Variants in WNK2 observed in about 807,000 individuals in gnomAD.
WNK2 encodes serine/threonine-protein kinase WNK2.
In WNK2, 67 loss-of-function variants were observed where a neutral mutation model predicts 192.1. The observed-to-expected ratio is 0.35, with a 90% CI of 0.29 to 0.43. The LOEUF (loss-of-function observed/expected upper bound fraction) is 0.43. Among genes scored for constraint, WNK2 ranks in the 20% least tolerant of loss-of-function variants. The pLI, the probability that WNK2 is intolerant of heterozygous loss-of-function variation, is 1.00. For synonymous variants in WNK2, 1,439 were observed against 1,393.9 expected, an observed-to-expected ratio of 1.03 and a Z score of -0.72; for missense variants, 2,698 against 3,089.7, an observed-to-expected ratio of 0.87 and a Z score of 3.01.
intron 2 of WNK2, among the ~76,000 whole-genome samples, chr9:93,211,563 C>T (rs995991716): frequency 3.5e-4 from 52 of 150,006 alleles, no homozygotes; most frequent in African/African-American, 1.2e-3. Context: ...CTCACTCATC[C>T]ACTCACACAT....
Position 93,292,322 on chromosome 9 carries a change from A to T in WNK2, c.4951A>T (p.Arg1651Trp). Residue 1651 changes from arginine (R) to tryptophan (W), a missense_variant, in exon 22 of 30, where the codon AGG becomes TGG. Physicochemically the swap from Arg to Trp is moderately radical, Grantham distance 101. Transcript: ENST00000427277. ...TGTTCCCATAGCAGAGTCGTCTCCCAGGAGTATGCTAGGCTATGACAGAGA... is the reference window on the plus strand; with the variant it reads ...TGTTCCCATAGCAGAGTCGTCTCCCTGGAGTATGCTAGGCTATGACAGAGA... ...SSSMTAESSPRSMLGYDRDGR... is the reference protein window; with the variant it reads ...SSSMTAESSPWSMLGYDRDGR... The T allele has an allele frequency of 6.2e-7, 1 of 1,613,938 alleles. No individual in the cohort carries two copies. The highest frequency in any genetic ancestry group is 8.5e-7 in the Non-Finnish European group (1 of 1,179,892).
At chr9:93,251,545 A>G (rs968825552) in intron 8 of WNK2, among the ~76,000 whole-genome samples, 38 of 152,300 alleles carry the variant, frequency 2.5e-4, no homozygotes, top group African/African-American at 9.1e-4. Context: ...CCTCATCTCT[A>G]CAAAAGATAG....
intron 23 of WNK2, among the ~76,000 whole-genome samples, chr9:93,295,159 C>T (rs1294429734): frequency 2.0e-5 from 3 of 152,174 alleles, no homozygotes; most frequent in Admixed American, 2.0e-4. Context: ...TTGGAGTGGT[C>T]CAGGGCACCC....
chr9:93,191,997 C>A (rs1418572233), intron 2 of WNK2, among the ~76,000 whole-genome samples: 1 of 151,326 alleles, frequency 6.6e-6, no homozygotes. Flanking sequence ...TGCACTCCAA[C>A]CTGGCGACAG....
intron 2 of WNK2, among the ~76,000 whole-genome samples, chr9:93,193,941 G>A (rs1375026112): frequency 6.6e-6 from 1 of 152,178 alleles, no homozygotes; most frequent in Non-Finnish European, 1.5e-5. Flanking sequence ...AGCAAGCCCG[G>A]AAATAGACCC....
At chr9:93,274,494 A>G (rs955055600) in intron 19 of WNK2, among the ~76,000 whole-genome samples, 9 of 146,668 alleles carry the variant, frequency 6.1e-5, no homozygotes, top group Non-Finnish European at 4.4e-5. Context: ...CCCGGGCAAC[A>G]GTGCAAGGCT....
At chr9:93,310,448 AAT>A (rs886318507) in intron 28 of WNK2, among the ~76,000 whole-genome samples, 13 of 150,858 alleles carry the variant, frequency 8.6e-5, no homozygotes, top group Admixed American at 2.0e-4. Flanking sequence ...ATGGCAAAAA[AAT>A]ATATATATAT....
chr9:93,251,490 A>C (rs1387701462), intron 8 of WNK2, among the ~76,000 whole-genome samples: 1 of 152,152 alleles, frequency 6.6e-6, no homozygotes, highest in Non-Finnish European at 1.5e-5. Context: ...TGCGTGGGTC[A>C]CTTGAGCCCA....
At chr9:93,199,659 G>C (rs1054929983) in intron 2 of WNK2, among the ~76,000 whole-genome samples, 1 of 152,178 alleles carries the variant, frequency 6.6e-6, no homozygotes, top group African/African-American at 2.4e-5. Context: ...AACACTTTGG[G>C]AGGCCGAGGC....
At chr9:93,231,249 A>G (rs1462038073) in intron 4 of WNK2, 141 bp downstream of exon 4, 4 of 824,594 alleles carry the variant, frequency 4.9e-6, no homozygotes, top group African/African-American at 1.7e-5. Flanking sequence ...GCCTCGGGCC[A>G]GGGTGTCTGG....
chr9:93,194,558 A>G (rs1830898259), intron 2 of WNK2, among the ~76,000 whole-genome samples: 2 of 152,196 alleles, frequency 1.3e-5, no homozygotes, highest in African/African-American at 2.4e-5. Flanking sequence ...CTAACACCAA[A>G]TACTGGTGAG....
At chr9:93,264,190 C>G (rs1844805819) in intron 16 of WNK2, among the ~76,000 whole-genome samples, 157 bp downstream of exon 16, 1 of 152,092 alleles carries the variant, frequency 6.6e-6, no homozygotes, top group Non-Finnish European at 1.5e-5. Context: ...ACGCCTCGGG[C>G]TCTTCCCCAC....
intron 2 of WNK2, among the ~76,000 whole-genome samples, chr9:93,218,651 C>T (rs1486991289): frequency 2.0e-5 from 3 of 152,324 alleles, no homozygotes; most frequent in Middle Eastern, 3.4e-3. Context: ...ATTTCCCCGT[C>T]AGGAAGTAAC....
chr9:93,308,294 C>A, intron 27 of WNK2, 34 bp from the exon 28 acceptor site: 1 of 1,538,594 alleles, frequency 6.5e-7, no homozygotes, highest in South Asian at 1.2e-5. Flanking sequence ...GCGTGTGTGG[C>A]GTCACCAATC....
At position 93,239,829 on chromosome 9, in the gene WNK2, G is replaced by GGA. The variant is rs1276593773; in HGVS notation, c.1397_1398dup (p.Asp467ArgfsTer11). The GGA allele has an allele frequency of 6.3e-7, 1 of 1,590,624 alleles. No individual in the cohort carries two copies. Among genetic ancestry groups the GGA allele is most frequent in the Non-Finnish European group, 8.6e-7 (1 of 1,169,062 alleles). ...CAGGCGTGAGGGTGGAGCTCGCGGA[G>GGA]GAGGACCACGGCAGGAAGTCCACCA... is the stretch of plus-strand genomic sequence containing the variant. On this transcript the variant is annotated frameshift_variant, in exon 7 of 30. Transcript: ENST00000427277. LOFTEE classifies it high-confidence loss of function. The surrounding 1 kb of genome is among the most constrained non-coding windows in gnomAD (Gnocchi z 4.2).
intron 7 of WNK2, among the ~76,000 whole-genome samples, chr9:93,243,965 C>T (rs547240614): frequency 1.3e-5 from 2 of 152,372 alleles, no homozygotes; most frequent in African/African-American, 4.8e-5. Flanking sequence ...GGTGCAGTCA[C>T]TCATGCCTGT....
rs2132005350 is a variant in WNK2, at chr9:93,229,578, G to A, written c.682-118G>A. 8.5e-7 allele frequency: 1 copy of A among 1,179,752 alleles called. No homozygotes were observed. The highest frequency in any genetic ancestry group is 1.2e-6 in the Non-Finnish European group (1 of 849,042). The allele number at this position is 1,179,752 out of a possible 1,614,324, so 73.1% of individuals were successfully genotyped here. On this transcript the variant is annotated intron_variant, in intron 2 of 29. Transcript: ENST00000427277. This position sits in a 1 kb window ranked among gnomAD's most constrained non-coding sequence, Gnocchi z 4.9. ...CATGCCCTTCTATCATAGCCGCTTAGCTGCCTGTGGGTATGGGAAGGGCTG... is the reference window on the plus strand; with the variant it reads ...CATGCCCTTCTATCATAGCCGCTTAACTGCCTGTGGGTATGGGAAGGGCTG...
chr9:93,289,234 G>C lies in WNK2; in HGVS notation c.4480G>C (p.Gly1494Arg). The change falls in exon 20 of 30, where the codon GGT (glycine) becomes CGT (arginine). Residue 1494 changes from glycine (G) to arginine (R), a missense_variant. Gly to Arg is a moderately radical substitution (Grantham distance 125). Transcript: ENST00000427277. ...CAGCGGGACCCCACAGCCCGCCTTG[G>C]GTCAACCTGCTCCCCTGCTTCCTGC... ...PHSGTPQPAL[G>R]QPAPLLPAAV... 1 of 1,605,242 alleles carries C rather than the reference G, an allele frequency of 6.2e-7. No individual in the cohort carries two copies. Among genetic ancestry groups the C allele is most frequent in the Non-Finnish European group, 8.5e-7 (1 of 1,178,472 alleles).
At chr9:93,210,290 G>A (rs1252976212) in intron 2 of WNK2, among the ~76,000 whole-genome samples, 2 of 151,872 alleles carry the variant, frequency 1.3e-5, no homozygotes, top group South Asian at 4.2e-4. Flanking sequence ...GGAGGGGTGA[G>A]GGATGGGCAG....
Sources: allele counts gnomAD v4.1 joint callset (sites outside exome capture counted in the v4.1 genomes callset), GRCh38; gene constraint gnomAD v4.1.1; non-coding constraint Gnocchi (gnomAD v3.1); transcripts MANE v1.5; gene names NCBI Gene and HGNC (gene_info 2026-07-23, HGNC 2026-07-21).